C6orf118: variants seen among roughly 807,000 people sequenced by gnomAD.
C6orf118 encodes uncharacterized protein C6orf118.
C6orf118 carries 50 observed loss-of-function variants against 50.2 expected under a neutral mutation model. That is an observed-to-expected ratio of 1.00 (90% CI 0.79 to 1.26). The LOEUF is 1.26. Ranked by LOEUF, C6orf118 falls within the 50% of genes most tolerant of loss-of-function variation. The pLI is 0.00. For missense variants in C6orf118, 641 were observed against 578.7 expected (o/e 1.11, Z -1.10); for synonymous variants, 239 against 230.9 (o/e 1.03, Z -0.32).
At chr6:165,297,768 T>TC (rs902104274) in intron 5 of C6orf118, among the ~76,000 whole-genome samples, 17 of 151,658 alleles carry the variant, frequency 1.1e-4, no homozygotes, top group African/African-American at 3.9e-4. Flanking sequence ...CTGCCCAAAC[T>TC]CCCCCCATGG....
intron 5 of C6orf118, among the ~76,000 whole-genome samples, chr6:165,295,531 A>G (rs1298121715): frequency 6.6e-6 from 1 of 152,162 alleles, no homozygotes; most frequent in Non-Finnish European, 1.5e-5. Flanking sequence ...AAGATTGTTT[A>G]CACCTCTGCA....
At chr6:165,280,808 G>A (rs753692032) in intron 8 of C6orf118, among the ~76,000 whole-genome samples, 1 of 152,182 alleles carries the variant, frequency 6.6e-6, no homozygotes, top group Non-Finnish European at 1.5e-5. Context: ...GGAGGCAGCA[G>A]CCACACTCAA....
intron 7 of C6orf118, among the ~76,000 whole-genome samples, chr6:165,284,220 A>G (rs1779830408): frequency 6.6e-6 from 1 of 152,218 alleles, no homozygotes; most frequent in African/African-American, 2.4e-5. Context: ...AGTGGAGGAA[A>G]TAATCTCAGA....
At chr6:165,293,371 C>G in intron 6 of C6orf118, 42 bp downstream of exon 6, 4 of 1,590,114 alleles carry the variant, frequency 2.5e-6, no homozygotes, top group Non-Finnish European at 1.7e-6. Flanking sequence ...ATGAAGGTCA[C>G]AGCAAAGCAC....
intron 6 of C6orf118, among the ~76,000 whole-genome samples, chr6:165,291,680 TAA>T (rs35094245): frequency 6.6e-6 from 1 of 152,128 alleles, no homozygotes; most frequent in Middle Eastern, 3.2e-3. Context: ...ATTTGGAATT[TAA>T]AAAAATGTTA....
Position 165,298,141 on chromosome 6 carries a change from G to A in C6orf118, c.937-40C>T, listed in dbSNP as rs1780382150. ...GTACATGAGGTGAGACAAGCACACAGGGAGGGCGGGAGGACTCCCTTTCTT... is the reference window on the plus strand; with the variant it reads ...GTACATGAGGTGAGACAAGCACACAAGGAGGGCGGGAGGACTCCCTTTCTT... On this transcript the variant is annotated intron_variant, in intron 4 of 8. Coordinates refer to ENST00000230301, the MANE Select transcript of C6orf118 (RefSeq NM_144980.4). 6 of 1,517,466 alleles carry A rather than the reference G, an allele frequency of 4.0e-6. No individual in the cohort carries two copies. In the South Asian group the frequency reaches 6.6e-5, roughly 17 times the overall value. The allele number at this position is 1,517,466 out of a possible 1,614,324, so 94.0% of individuals were successfully genotyped here.
chr6:165,294,272 A>C (rs12663297), intron 5 of C6orf118, among the ~76,000 whole-genome samples: 124,071 of 144,898 alleles, frequency 0.86, 53,980 homozygotes, highest in East Asian at 0.99. Flanking sequence ...AAAAAACAAA[A>C]AAAAAAAAAG....
At chr6:165,292,607 C>T (rs1274714560) in intron 6 of C6orf118, among the ~76,000 whole-genome samples, 2 of 152,092 alleles carry the variant, frequency 1.3e-5, no homozygotes, top group African/African-American at 2.4e-5. Context: ...TCCTATTTCA[C>T]GTCTGTGAGA....
intron 5 of C6orf118, among the ~76,000 whole-genome samples, chr6:165,296,920 C>T (rs1184011149): frequency 1.3e-5 from 2 of 152,188 alleles, no homozygotes; most frequent in Non-Finnish European, 2.9e-5. Flanking sequence ...ACACACCAGA[C>T]AACAACCACG....
At chr6:165,299,638 T>A (rs1445001010) in intron 3 of C6orf118, 136 bp from the exon 4 acceptor site, 2 of 644,674 alleles carry the variant, frequency 3.1e-6, no homozygotes, top group East Asian at 2.7e-5. Flanking sequence ...GTTCCCACAA[T>A]GCATTAAACG....
intron 1 of C6orf118, among the ~76,000 whole-genome samples, chr6:165,309,069 T>C (rs1780846857): frequency 6.6e-6 from 1 of 152,204 alleles, no homozygotes; most frequent in Non-Finnish European, 1.5e-5. Flanking sequence ...ATCACATTAA[T>C]AGCACCAGCC....
intron 7 of C6orf118, among the ~76,000 whole-genome samples, chr6:165,284,404 T>C (rs1779835227): frequency 6.6e-6 from 1 of 152,168 alleles, no homozygotes; most frequent in East Asian, 1.9e-4. Context: ...CATACTTCAG[T>C]ATTTCATCCA....
At chr6:165,293,537 G>A in intron 5 of C6orf118, 66 bp from the exon 6 acceptor site, 3 of 1,319,782 alleles carry the variant, frequency 2.3e-6, no homozygotes, top group South Asian at 2.6e-5. Flanking sequence ...CTTTTGTCTG[G>A]GTTACACCAC....
At chr6:165,290,484 G>A (rs949738335) in intron 6 of C6orf118, among the ~76,000 whole-genome samples, 1 of 152,076 alleles carries the variant, frequency 6.6e-6, no homozygotes, top group Non-Finnish European at 1.5e-5. Flanking sequence ...AGAGAAGTGT[G>A]GCTAGGTTGA....
At chr6:165,295,781 C>G (rs1285134951) in intron 5 of C6orf118, among the ~76,000 whole-genome samples, 1 of 151,944 alleles carries the variant, frequency 6.6e-6, no homozygotes, top group South Asian at 2.1e-4. Context: ...TCTAAACTTT[C>G]CTTTCTTGCT....
intron 7 of C6orf118, among the ~76,000 whole-genome samples, chr6:165,285,542 T>A (rs1015732380): frequency 6.6e-6 from 1 of 152,006 alleles, no homozygotes; most frequent in African/African-American, 2.4e-5. Flanking sequence ...ATCAATCACA[T>A]AATTGGAAGT....
chr6:165,307,245 T>C (rs1301549824), intron 1 of C6orf118, among the ~76,000 whole-genome samples: 1 of 68,880 alleles, frequency 1.5e-5, no homozygotes, highest in Non-Finnish European at 2.5e-5. Flanking sequence ...AATAGGACAA[T>C]AGGCCTTTAA....
chr6:165,300,288 C>T, intron 3 of C6orf118, 76 bp downstream of exon 3: 4 of 1,536,954 alleles, frequency 2.6e-6, no homozygotes, highest in Middle Eastern at 1.7e-4. Flanking sequence ...AATTTCAGTG[C>T]GGCTTGAGAT....
chr6:165,298,181 C>T lies in C6orf118; in HGVS notation c.937-80G>A, dbSNP rs940827134. 4.2e-5 allele frequency: 62 copies of T among 1,468,172 alleles called. 1 individual carries two copies. Among genetic ancestry groups the T allele is most frequent in the East Asian group, 2.2e-4 (9 of 40,986 alleles). The allele number at this position is 1,468,172 out of a possible 1,614,324, so 90.9% of individuals were successfully genotyped here. A position where few individuals can be genotyped will look rare whatever the true frequency, so the allele number is the denominator to read the frequency against. On this transcript the variant is annotated intron_variant, in intron 4 of 8. Coordinates refer to ENST00000230301, the MANE Select transcript of C6orf118 (RefSeq NM_144980.4). ...CTCCCTTTCTTATTTGTCATTAATG[C>T]GTTTTCAAGGTGCCCTGGGTTAACA...
Sources: allele counts gnomAD v4.1 joint callset (sites outside exome capture counted in the v4.1 genomes callset), GRCh38; gene constraint gnomAD v4.1.1; transcripts MANE v1.5; gene names NCBI Gene and HGNC (gene_info 2026-07-23, HGNC 2026-07-21).